The following PCDHA3 variants were observed in gnomAD, a reference collection of about 807,000 sequenced individuals.
PCDHA3 encodes protocadherin alpha-3.
PCDHA3 carries 41 observed loss-of-function variants against 62.2 expected under a neutral mutation model. That is an observed-to-expected ratio of 0.66 (90% CI 0.51 to 0.86). PCDHA3 has a LOEUF of 0.86. PCDHA3 is among the 40% of genes least tolerant of loss of function. The pLI, the probability that PCDHA3 is intolerant of heterozygous loss-of-function variation, is 0.00. For synonymous variants in PCDHA3, 640 were observed against 555.4 expected, an observed-to-expected ratio of 1.15 and a Z score of -2.14; for missense variants, 1,304 against 1,241.2, an observed-to-expected ratio of 1.05 and a Z score of -0.76.
chr5:141,008,284 GC>G (rs2098367825), intron 3 of PCDHA3, among the ~76,000 whole-genome samples: 1 of 152,150 alleles, frequency 6.6e-6, no homozygotes, highest in Admixed American at 6.5e-5. Context: ...AATTGAAATA[GC>G]AGTTGTACCC....
intron 1 of PCDHA3, chr5:140,858,148 C>A: frequency 6.3e-7 from 1 of 1,597,640 alleles, no homozygotes; most frequent in Non-Finnish European, 8.6e-7. Context: ...ACCTGATCAT[C>A]GCCATCTGCG....
intron 2 of PCDHA3, among the ~76,000 whole-genome samples, chr5:140,981,825 T>G (rs941645731): frequency 2.0e-5 from 3 of 152,184 alleles, no homozygotes; most frequent in African/African-American, 7.2e-5. Context: ...TCTGCTTGCC[T>G]CTAAAGGTCT....
chr5:140,966,645 C>T (rs369620766), intron 1 of PCDHA3: 7 of 1,125,658 alleles, frequency 6.2e-6, no homozygotes, highest in Non-Finnish European at 8.2e-6. Flanking sequence ...CTTTCTAGAG[C>T]GTGAGCGGTG....
At chr5:140,944,809 A>G (rs2093698274) in intron 1 of PCDHA3, among the ~76,000 whole-genome samples, 1 of 152,220 alleles carries the variant, frequency 6.6e-6, no homozygotes, top group African/African-American at 2.4e-5. Flanking sequence ...GAGGGTCCAC[A>G]GTGATCTTTG....
chr5:140,877,606 G>A, intron 1 of PCDHA3: 1 of 1,613,888 alleles, frequency 6.2e-7, no homozygotes, highest in Non-Finnish European at 8.5e-7. Flanking sequence ...CAGCCTGCTG[G>A]TGCTCACGCT....
chr5:140,839,950 C>T (rs1554137654), intron 1 of PCDHA3, among the ~76,000 whole-genome samples: 2 of 152,022 alleles, frequency 1.3e-5, no homozygotes, highest in Non-Finnish European at 2.9e-5. Context: ...AAGGAGACAA[C>T]ATATTTTCTG....
At chr5:141,006,880 G>A (rs1554260955) in intron 3 of PCDHA3, among the ~76,000 whole-genome samples, 1 of 152,192 alleles carries the variant, frequency 6.6e-6, no homozygotes, top group Non-Finnish European at 1.5e-5. Flanking sequence ...GAGGAATCAA[G>A]AGTTTGATTT....
Position 140,856,573 on chromosome 5 carries a change from G to A in PCDHA3, c.2394+52982G>A, listed in dbSNP as rs1168113677. 4.4e-6 allele frequency: 7 copies of A among 1,597,600 alleles called. No individual in the cohort carries two copies. The African/African-American group carries it at 5.4e-5, about 12-fold the overall frequency. ...TTACTTACAAACTCAGTCCAAATGA[G>A]TATTTTGTTCTTGATATTATAAACA... On this transcript the variant is annotated intron_variant, in intron 1 of 3. Transcript: ENST00000522353.
At chr5:140,854,372 C>A in intron 1 of PCDHA3, 1 of 156,718 alleles carries the variant, frequency 6.4e-6, no homozygotes, top group South Asian at 2.0e-4. Context: ...TATTTTGATA[C>A]ATAACTCATT....
intron 1 of PCDHA3, chr5:140,807,219 C>G: frequency 6.2e-7 from 1 of 1,614,030 alleles, no homozygotes; most frequent in Non-Finnish European, 8.5e-7. Flanking sequence ...GGCCAGGAAT[C>G]CCGGCGTCTG....
chr5:140,834,270 C>T (rs2150214747), intron 1 of PCDHA3: 4 of 1,049,694 alleles, frequency 3.8e-6, no homozygotes, highest in Non-Finnish European at 5.6e-6. Flanking sequence ...CTCTCTTTCA[C>T]TCTTTGGATG....
intron 1 of PCDHA3, chr5:140,808,843 G>A (rs782721036): frequency 3.7e-6 from 6 of 1,613,058 alleles, no homozygotes; most frequent in Admixed American, 1.7e-5. Context: ...TGACGCTGCA[G>A]GTGTTCGTGC....
intron 3 of PCDHA3, among the ~76,000 whole-genome samples, chr5:141,006,466 G>T (rs2153987717): frequency 6.6e-6 from 1 of 152,178 alleles, no homozygotes; most frequent in South Asian, 2.1e-4. Context: ...GCCTGTCTCG[G>T]CCTCCCAAAG....
intron 1 of PCDHA3, among the ~76,000 whole-genome samples, chr5:140,942,021 A>C (rs2093219800): frequency 6.6e-6 from 1 of 152,198 alleles, no homozygotes; most frequent in South Asian, 2.1e-4. Context: ...TTTTGGGAAA[A>C]AATAATTCAT....
chr5:140,967,985 A>C, intron 1 of PCDHA3: 1 of 1,614,218 alleles, frequency 6.2e-7, no homozygotes, highest in Non-Finnish European at 8.5e-7. Context: ...TCTGGAGGCC[A>C]CACTGCCTTT....
chr5:140,801,182 T>C lies in PCDHA3; in HGVS notation c.-16T>C, dbSNP rs782209906. 4 of 1,573,304 alleles carry C rather than the reference T, an allele frequency of 2.5e-6. No individual in the cohort carries two copies. The highest frequency in any genetic ancestry group is 3.4e-6 in the Non-Finnish European group (4 of 1,161,632). The stretch of plus-strand genomic sequence containing the variant: ...GATCAATGTAAAGGCAATCTAATAT[T>C]TGGAAAATACTTGCAATGTTGTTCT... On this transcript the variant is annotated 5_prime_UTR_variant, in exon 1 of 4. Coordinates refer to ENST00000522353, the MANE Select transcript of PCDHA3 (RefSeq NM_018906.3).
intron 1 of PCDHA3, among the ~76,000 whole-genome samples, chr5:140,894,631 A>G (rs1413513485): frequency 6.6e-6 from 1 of 151,582 alleles, no homozygotes; most frequent in Non-Finnish European, 1.5e-5. Flanking sequence ...TTCTCCAATC[A>G]TATCATTACT....
rs1421975943 is a variant in PCDHA3 at position 140,853,700 on chromosome 5, G to A, written c.2394+50109G>A. 8.1e-6 allele frequency: 8 copies of A among 987,678 alleles called. 1 individual carries two copies. Among genetic ancestry groups the A allele is most frequent in the Admixed American group, 6.3e-5 (1 of 15,866 alleles). The allele number at this position is 987,678 out of a possible 1,614,324, so 61.2% of individuals were successfully genotyped here. The stretch of plus-strand genomic sequence containing the variant: ...TCAACCTATCCTTAGACCTGCTAAC[G>A]CATTAGCATTAGCAGCACCTAAGTC... On this transcript the variant is annotated intron_variant, in intron 1 of 3. Coordinates refer to ENST00000522353, the MANE Select transcript of PCDHA3 (RefSeq NM_018906.3).
chr5:140,927,093 G>T (rs781998184), intron 1 of PCDHA3: 1 of 1,612,818 alleles, frequency 6.2e-7, no homozygotes, highest in Non-Finnish European at 8.5e-7. Flanking sequence ...TCTACTTCGG[G>T]GTGGATCTAC....
Sources: allele counts gnomAD v4.1 joint callset (sites outside exome capture counted in the v4.1 genomes callset), GRCh38; gene constraint gnomAD v4.1.1; transcripts MANE v1.5; gene names NCBI Gene and HGNC (gene_info 2026-07-23, HGNC 2026-07-21).